The following RAB3GAP1 variants were observed in gnomAD, a reference collection of about 807,000 sequenced individuals.
The protein encoded by RAB3GAP1 is rab3 GTPase-activating protein catalytic subunit.
A neutral mutation model predicts 130.7 loss-of-function variants in RAB3GAP1; 86 were observed. That is an observed-to-expected ratio of 0.66 (90% confidence interval 0.55 to 0.79). The LOEUF (loss-of-function observed/expected upper bound fraction) is 0.79, where lower values mean the gene tolerates loss of function less well. Among genes scored for constraint, RAB3GAP1 ranks in the 30% least tolerant of loss-of-function variants. The pLI is 0.00. For synonymous variants in RAB3GAP1, 367 were observed against 401.7 expected, an observed-to-expected ratio of 0.91 and a Z score of 1.03; for missense variants, 1,029 against 1,169.4, an observed-to-expected ratio of 0.88 and a Z score of 1.75.
At chr2:135,123,324 C>CA (rs1691256751) in intron 8 of RAB3GAP1, among the ~76,000 whole-genome samples, 1 of 152,124 alleles carries the variant, frequency 6.6e-6, no homozygotes, top group Non-Finnish European at 1.5e-5. Flanking sequence ...TTATTATAAG[C>CA]ATTCTTTAGT....
chr2:135,138,818 T>C (rs1200601427), intron 17 of RAB3GAP1, among the ~76,000 whole-genome samples: 1 of 152,082 alleles, frequency 6.6e-6, no homozygotes, highest in Non-Finnish European at 1.5e-5. Flanking sequence ...AGTCTTGCTA[T>C]GTTGCCCAAG....
intron 3 of RAB3GAP1, among the ~76,000 whole-genome samples, chr2:135,078,339 T>A (rs565498174): frequency 1.3e-5 from 2 of 152,176 alleles, no homozygotes; most frequent in Non-Finnish European, 2.9e-5. Context: ...TTTTTAGTAC[T>A]TCTAAAGAAG....
chr2:135,133,794 C>T lies in RAB3GAP1; in HGVS notation c.1327-67C>T, dbSNP rs1314096911. ...TACAATTAAAATCTCTCCCTACGAC[C>T]TTTTCAGTTATATGTGTAAAATATT... On this transcript the variant is annotated intron_variant, in intron 14 of 23. Coordinates refer to ENST00000264158, the MANE Select transcript of RAB3GAP1 (RefSeq NM_012233.3). The T allele has an allele frequency of 2.8e-6, 4 of 1,425,330 alleles. No individual in the cohort carries two copies. In the African/African-American group the frequency reaches 5.6e-5, roughly 20 times the overall value. 88.3% of individuals were successfully genotyped at this position (1,425,330 alleles called of 1,614,324 possible).
At position 135,167,690 on chromosome 2, in the gene RAB3GAP1, A is replaced by G. The variant is rs1435415088; in HGVS notation, c.2710-855A>G. 7 of 1,493,608 alleles carry G rather than the reference A, an allele frequency of 4.7e-6. No homozygotes were observed. The Admixed American group carries it at 1.4e-4, about 29-fold the overall frequency. 92.5% of individuals were successfully genotyped at this position (1,493,608 alleles called of 1,614,324 possible). On this transcript the variant is annotated intron_variant, in intron 23 of 23. Transcript: ENST00000264158. ...ACTGTTTCTTTTCTTACCCCTTCTC[A>G]AGCTGACTGAATCTTCTGATGAGGT... is the stretch of plus-strand genomic sequence containing the variant.
At chr2:135,081,362 ACACACACGTG>A (rs1689813413) in intron 3 of RAB3GAP1, among the ~76,000 whole-genome samples, 1 of 71,406 alleles carries the variant, frequency 1.4e-5, no homozygotes, top group Non-Finnish European at 2.3e-5. Context: ...ATATATATAT[ACACACACGTG>A]TGTGTGTGTA....
chr2:135,141,344 C>T (rs1691833396), intron 17 of RAB3GAP1, among the ~76,000 whole-genome samples: 1 of 151,676 alleles, frequency 6.6e-6, no homozygotes. Flanking sequence ...CCTGCCTCAG[C>T]CTCCCGAGTA....
chr2:135,087,435 G>A (rs1690018688), intron 3 of RAB3GAP1, among the ~76,000 whole-genome samples: 1 of 152,202 alleles, frequency 6.6e-6, no homozygotes, highest in Admixed American at 6.5e-5. Context: ...TGTTGCTGAT[G>A]TTTTGATTGG....
At position 135,169,891 on chromosome 2, in the gene RAB3GAP1, G is replaced by A; in HGVS notation, c.*1110G>A. On this transcript the variant is annotated 3_prime_UTR_variant, in exon 24 of 24. Transcript: ENST00000264158. The stretch of plus-strand genomic sequence containing the variant: ...CCTAAAATTCCCACTTAAATCCAAA[G>A]TAAAAATGGTTATACTGAAGCATAA... 2.7e-6 allele frequency: 1 copy of A among 371,250 alleles called. No homozygotes were observed. Among genetic ancestry groups the A allele is most frequent in the African/African-American group, 2.2e-5 (1 of 46,266 alleles). The allele number at this position is 371,250 out of a possible 1,614,324, so 23.0% of individuals were successfully genotyped here. A position where few individuals can be genotyped will look rare whatever the true frequency, so the allele number is the denominator to read the frequency against.
chr2:135,125,120 A>G (rs1691313980), intron 9 of RAB3GAP1, among the ~76,000 whole-genome samples: 1 of 152,152 alleles, frequency 6.6e-6, no homozygotes, highest in South Asian at 2.1e-4. Context: ...ATTTCCCCTT[A>G]GTCTTCTCAG....
chr2:135,140,884 A>G (rs1691819231), intron 17 of RAB3GAP1, among the ~76,000 whole-genome samples: 1 of 152,212 alleles, frequency 6.6e-6, no homozygotes. Flanking sequence ...GCTGCCAGCC[A>G]AGGGCCAACT....
At chr2:135,081,361 T>TATATATATATATATATATATATAC (rs1216831944) in intron 3 of RAB3GAP1, among the ~76,000 whole-genome samples, 1 of 71,268 alleles carries the variant, frequency 1.4e-5, no homozygotes, top group Non-Finnish European at 2.3e-5. Context: ...TATATATATA[T>TATATATATATATATATATATATAC]ACACACACGT....
chr2:135,108,305 T>C (rs1482152099), intron 5 of RAB3GAP1, among the ~76,000 whole-genome samples: 1 of 152,144 alleles, frequency 6.6e-6, no homozygotes, highest in East Asian at 1.9e-4. Context: ...TGTTGATACA[T>C]TTGATCTCCT....
At chr2:135,063,312 AT>A (rs1314090083) in intron 3 of RAB3GAP1, among the ~76,000 whole-genome samples, 2 of 152,136 alleles carry the variant, frequency 1.3e-5, no homozygotes, top group Non-Finnish European at 2.9e-5. Context: ...TTGATTAAAA[AT>A]TTTTTTGTTG....
intron 3 of RAB3GAP1, among the ~76,000 whole-genome samples, chr2:135,081,734 CT>C (rs1181986254): frequency 6.6e-6 from 1 of 152,016 alleles, no homozygotes; most frequent in Non-Finnish European, 1.5e-5. Context: ...AGTGAGTATT[CT>C]TTATTTTTAA....
intron 22 of RAB3GAP1, among the ~76,000 whole-genome samples, chr2:135,164,354 A>G (rs1469504969): frequency 1.3e-5 from 2 of 152,192 alleles, no homozygotes; most frequent in Admixed American, 6.5e-5. Flanking sequence ...TTACACTTTG[A>G]CAGAGATAGG....
intron 3 of RAB3GAP1, among the ~76,000 whole-genome samples, chr2:135,086,815 C>A: frequency 6.6e-6 from 1 of 151,824 alleles, no homozygotes; most frequent in Non-Finnish European, 1.5e-5. Context: ...GCTGGGACTA[C>A]AGGTGCACAC....
intron 3 of RAB3GAP1, among the ~76,000 whole-genome samples, chr2:135,063,125 G>GT (rs1247844870): frequency 6.6e-6 from 1 of 152,112 alleles, no homozygotes; most frequent in Non-Finnish European, 1.5e-5. Context: ...CAAAACTTAA[G>GT]TTAACTGTAG....
Position 135,058,003 on chromosome 2 carries a change from C to A in RAB3GAP1, c.75-8C>A. The A allele has an allele frequency of 1.3e-6, 2 of 1,599,296 alleles. No individual in the cohort carries two copies. Among genetic ancestry groups the A allele is most frequent in the Non-Finnish European group, 1.7e-6 (2 of 1,166,848 alleles). ...GTTGTATTTAGAAGCTTTCTCCCTA[C>A]TTCCTAGGTTTATTTCCAAAGTTGA... On this transcript the variant is annotated splice_region_variant and splice_polypyrimidine_tract_variant and intron_variant, in intron 2 of 23. Coordinates refer to ENST00000264158, the MANE Select transcript of RAB3GAP1 (RefSeq NM_012233.3).
intron 23 of RAB3GAP1, among the ~76,000 whole-genome samples, chr2:135,165,732 C>G (rs970565986): frequency 2.0e-5 from 3 of 152,112 alleles, no homozygotes; most frequent in Non-Finnish European, 4.4e-5. Context: ...TTGTTTTTCT[C>G]TCTGGCATGA....
Sources: gnomAD v4.1 joint callset for allele counts (sites outside exome capture counted in the v4.1 genomes callset) on GRCh38, gnomAD v4.1.1 for gene constraint, MANE v1.5 for transcripts, NCBI Gene and HGNC (gene_info 2026-07-23, HGNC 2026-07-21) for gene names.